Variants in ACAN observed in about 807,000 individuals in gnomAD.
ACAN encodes the protein aggrecan core protein.
A neutral mutation model predicts 169.1 loss-of-function variants in ACAN; 47 were observed. The observed-to-expected ratio is 0.28, with a 90% CI of 0.22 to 0.35. The LOEUF (loss-of-function observed/expected upper bound fraction) is 0.35, where lower values mean the gene tolerates loss of function less well. ACAN is among the 10% of genes least tolerant of loss of function. ACAN has a pLI of 1.00. For synonymous variants in ACAN, 1,115 were observed against 1,112.2 expected, an observed-to-expected ratio of 1.00 and a Z score of -0.05; for missense variants, 2,716 against 2,759.9, an observed-to-expected ratio of 0.98 and a Z score of 0.36.
At position 88,858,020 on chromosome 15, in the gene ACAN, T is replaced by G; in HGVS notation, c.5435T>G (p.Val1812Gly). The G allele has an allele frequency of 6.2e-7, 1 of 1,613,734 alleles. No individual in the cohort carries two copies. ...GGGTTCAGTGGGGCAACATCAGGAG[T>G]CCCTGACCTGGTTTCTGGTACCACG... The part of the protein sequence containing the change: ...LPGFSGATSG[V>G]PDLVSGTTSG... The change falls in exon 12 of 19, where the codon GTC becomes GGC. Residue 1812 changes from valine (V) to glycine (G), a missense_variant. Coordinates refer to ENST00000560601, the MANE Select transcript of ACAN (RefSeq NM_001369268.1). The surrounding 1 kb of genome is among the most constrained non-coding windows in gnomAD (Gnocchi z 4.0).
rs78064259 is a variant in ACAN, at chr15:88,810,308, T to C, written c.-8+6499T>C. 2.9e-3 allele frequency among the ~76,000 whole-genome samples: 440 copies of C among 152,290 alleles called. 11 individuals are homozygous for C. In the South Asian group the frequency reaches 0.049, roughly 17 times the overall value. On this transcript the variant is annotated intron_variant, in intron 1 of 18. Coordinates refer to ENST00000560601, the MANE Select transcript of ACAN (RefSeq NM_001369268.1). ...CATTGTCCACCCTTGGGACACCTTC[T>C]GGCTCTGTCCCTCCATGTCCTCGCT...
intron 1 of ACAN, among the ~76,000 whole-genome samples, chr15:88,825,936 G>A (rs549882454): frequency 1.7e-4 from 26 of 152,186 alleles, no homozygotes; most frequent in Non-Finnish European, 3.2e-4. Flanking sequence ...CAGTGAGGTT[G>A]GCCTCGGACT....
chr15:88,808,688 T>TAC (rs979109426), intron 1 of ACAN, among the ~76,000 whole-genome samples: 1 of 152,168 alleles, frequency 6.6e-6, no homozygotes, highest in African/African-American at 2.4e-5. Context: ...TCTTACAGTG[T>TAC]ACAGCACAGC....
In ACAN at chr15:88,838,197, G is replaced by T. The variant is rs192304118; in HGVS notation, c.71-466G>T. ...CCCAAAAGCAGACCTCCCCAAATGG[G>T]ACACATCTTAGAAGTTTTCTGTCTC... On this transcript the variant is annotated intron_variant, in intron 2 of 18. Transcript: ENST00000560601. The surrounding 1 kb of genome is among the most constrained non-coding windows in gnomAD (Gnocchi z 5.1). Among the ~76,000 whole-genome samples, 5 of 152,202 alleles carry T rather than the reference G, an allele frequency of 3.3e-5. No homozygotes were observed. The East Asian group carries it at 9.7e-4, about 29-fold the overall frequency.
chr15:88,827,759 C>A (rs77382083), intron 1 of ACAN, among the ~76,000 whole-genome samples: 4 of 152,230 alleles, frequency 2.6e-5, no homozygotes, highest in African/African-American at 9.7e-5. Flanking sequence ...AACTCAGCAT[C>A]TCTCATTTAA....
rs1895845220 is a variant in ACAN at position 88,812,505 on chromosome 15, T to A, written c.-8+8696T>A. 2.0e-5 allele frequency among the ~76,000 whole-genome samples: 3 copies of A among 151,992 alleles called. No homozygotes were observed. The South Asian group carries it at 6.2e-4, about 32-fold the overall frequency. ...GGCCCCCAAGCTGGCTGGTATCCCC[T>A]CCTCCTCACATCATTCTCCCCTCCT... On this transcript the variant is annotated intron_variant, in intron 1 of 18. Coordinates refer to ENST00000560601, the MANE Select transcript of ACAN (RefSeq NM_001369268.1).
intron 1 of ACAN, among the ~76,000 whole-genome samples, chr15:88,830,207 T>C (rs910559977): frequency 6.6e-6 from 1 of 152,178 alleles, no homozygotes. Flanking sequence ...CCAGCCTCAA[T>C]GTCCCCAGGG....
chr15:88,845,383 G>A (rs143607462), intron 6 of ACAN, 122 bp from the exon 7 acceptor site: 3 of 1,413,978 alleles, frequency 2.1e-6, no homozygotes, highest in Non-Finnish European at 2.8e-6. Flanking sequence ...CTGGCACACA[G>A]TGGTGCCCTC....
At chr15:88,845,919 G>A (rs1896784484) in intron 7 of ACAN, 37 bp downstream of exon 7, 2 of 1,438,952 alleles carry the variant, frequency 1.4e-6, no homozygotes, top group Non-Finnish European at 1.8e-6. Flanking sequence ...AGGGGCAGGT[G>A]GAGAGAACTT....
At chr15:88,836,875 G>A (rs1389568347) in intron 2 of ACAN, among the ~76,000 whole-genome samples, 1 of 152,258 alleles carries the variant, frequency 6.6e-6, no homozygotes, top group African/African-American at 2.4e-5. Flanking sequence ...GGGAAGGTAT[G>A]TCTTCCCCAG....
chr15:88,820,130 G>C (rs1249205288), intron 1 of ACAN, among the ~76,000 whole-genome samples: 1 of 152,214 alleles, frequency 6.6e-6, no homozygotes, highest in Non-Finnish European at 1.5e-5. Context: ...TGCTGGCATG[G>C]ACTCAAGCCT....
Position 88,873,266 on chromosome 15 carries a change from G to A in ACAN, c.7447+241G>A, listed in dbSNP as rs572327942. On this transcript the variant is annotated intron_variant, in intron 17 of 18. Coordinates refer to ENST00000560601, the MANE Select transcript of ACAN (RefSeq NM_001369268.1). The surrounding 1 kb of genome is among the most constrained non-coding windows in gnomAD (Gnocchi z 7.5). ...TTTGCAGGGACAGCAAGCACATGAA[G>A]GTCACAGGCTAGAAGACAGGACCCC... is the stretch of plus-strand genomic sequence containing the variant. Among the ~76,000 whole-genome samples the A allele has an allele frequency of 6.6e-6, 1 of 152,332 alleles. No homozygotes were observed. Among genetic ancestry groups the A allele is most frequent in the Non-Finnish European group, 1.5e-5 (1 of 68,036 alleles).
intron 11 of ACAN, among the ~76,000 whole-genome samples, chr15:88,853,420 T>C (rs1896975306): frequency 6.6e-6 from 1 of 152,162 alleles, no homozygotes; most frequent in Non-Finnish European, 1.5e-5. Context: ...GGAGGACCAC[T>C]TGAGGCCAGG....
chr15:88,857,619 G>A lies in ACAN; in HGVS notation c.5034G>A (p.Leu1678=). 1 of 1,613,974 alleles carries A rather than the reference G, an allele frequency of 6.2e-7. No homozygotes were observed. The highest frequency in any genetic ancestry group is 8.5e-7 in the Non-Finnish European group (1 of 1,179,900). The change falls in exon 12 of 19, where the codon CTG becomes CTA. Residue 1678 remains leucine (L), a synonymous_variant. Coordinates refer to ENST00000560601, the MANE Select transcript of ACAN (RefSeq NM_001369268.1). The part of the protein sequence containing the change: ...EVVTASTASE[L]EGRGTIGISG... ...TCACAGCCTCCACTGCAAGTGAACT[G>A]GAAGGGAGGGGAACCATTGGCATCA...
intron 1 of ACAN, among the ~76,000 whole-genome samples, chr15:88,810,707 C>G (rs963575403): frequency 3.9e-5 from 6 of 152,278 alleles, no homozygotes; most frequent in African/African-American, 1.4e-4. Context: ...CCTTCAGTCC[C>G]TAAAATTAGC....
At position 88,814,307 on chromosome 15, in the gene ACAN, A is replaced by G. The variant is rs988439564; in HGVS notation, c.-8+10498A>G. Among the ~76,000 whole-genome samples, 1 of 152,240 alleles carries G rather than the reference A, an allele frequency of 6.6e-6. No homozygotes were observed. The highest frequency in any genetic ancestry group is 1.5e-5 in the Non-Finnish European group (1 of 68,034). On this transcript the variant is annotated intron_variant, in intron 1 of 18. Transcript: ENST00000560601. This position sits in a 1 kb window ranked among gnomAD's most constrained non-coding sequence, Gnocchi z 4.0. ...CTCAAAACAGTAACTGCTGTAAATC[A>G]TGAACATTCCCAGACCCGTTCCTGG...
Position 88,817,547 on chromosome 15 carries a change from G to A in ACAN, c.-8+13738G>A, listed in dbSNP as rs975299982. Among the ~76,000 whole-genome samples the A allele has an allele frequency of 6.4e-5, 8 of 125,346 alleles. No individual in the cohort carries two copies. The Admixed American group carries it at 6.9e-4, about 11-fold the overall frequency. The allele number at this position is 125,346 out of a possible 152,430, so 82.2% of individuals were successfully genotyped here. On this transcript the variant is annotated intron_variant, in intron 1 of 18. Coordinates refer to ENST00000560601, the MANE Select transcript of ACAN (RefSeq NM_001369268.1). The stretch of plus-strand genomic sequence containing the variant: ...CATAGAAAATTTAGGAAATATAAAG[G>A]TTCAAGATAGAAAAAAAAAAAATTG...
At position 88,871,564 on chromosome 15, in the gene ACAN, G is replaced by C. The variant is rs1442763556; in HGVS notation, c.7219+24G>C. On this transcript the variant is annotated intron_variant, in intron 15 of 18. Coordinates refer to ENST00000560601, the MANE Select transcript of ACAN (RefSeq NM_001369268.1). The surrounding 1 kb of genome is among the most constrained non-coding windows in gnomAD (Gnocchi z 7.8). ...CAGTGAGTGCGGCGGGGCCTCTGGA[G>C]CCTGAGAGGAGAGTGGCGGTGTAGG... The C allele has an allele frequency of 6.3e-7, 1 of 1,597,968 alleles. No homozygotes were observed. The highest frequency in any genetic ancestry group is 1.3e-5 in the African/African-American group (1 of 74,722).
At chr15:88,829,013 T>G (rs568765480) in intron 1 of ACAN, among the ~76,000 whole-genome samples, 42 of 152,312 alleles carry the variant, frequency 2.8e-4, no homozygotes, top group African/African-American at 8.9e-4. Context: ...GACAAAAGTA[T>G]GGCCTTGAAG....
Sources: allele counts gnomAD v4.1 joint callset (sites outside exome capture counted in the v4.1 genomes callset), GRCh38; gene constraint gnomAD v4.1.1; non-coding constraint Gnocchi (gnomAD v3.1); transcripts MANE v1.5; gene names NCBI Gene and HGNC (gene_info 2026-07-23, HGNC 2026-07-21).